The following PACSIN2 variants were observed in gnomAD, a reference collection of about 807,000 sequenced individuals.
The protein encoded by PACSIN2 is protein kinase C and casein kinase substrate in neurons 2.
Under a neutral mutation model 63.8 loss-of-function variants are expected in PACSIN2, and 25 were observed. The ratio of observed to expected loss-of-function variants is 0.39; its 90% CI spans 0.29 to 0.55. The LOEUF is 0.55. Among genes scored for constraint, PACSIN2 ranks in the 20% least tolerant of loss-of-function variants. The pLI is 0.62. For synonymous variants in PACSIN2, 255 were observed against 256.2 expected (o/e 1.00, Z 0.05); for missense variants, 518 against 646.9 (o/e 0.80, Z 2.16).
At chr22:42,937,253 G>C (rs889495366) in intron 1 of PACSIN2, among the ~76,000 whole-genome samples, 1 of 152,110 alleles carries the variant, frequency 6.6e-6, no homozygotes, top group Non-Finnish European at 1.5e-5. Flanking sequence ...GGTGACACCT[G>C]AGACAACATG....
At chr22:43,014,547 C>A (rs1314033781) in intron 1 of PACSIN2, among the ~76,000 whole-genome samples, 1 of 151,956 alleles carries the variant, frequency 6.6e-6, no homozygotes, top group Non-Finnish European at 1.5e-5. Flanking sequence ...TGCTCCGGCA[C>A]CCTCGCCTAA....
intron 1 of PACSIN2, among the ~76,000 whole-genome samples, chr22:42,973,462 C>T (rs1375401617): frequency 6.6e-6 from 1 of 152,212 alleles, no homozygotes; most frequent in African/African-American, 2.4e-5. Flanking sequence ...AAGCTTCCTC[C>T]TTTAACTTCT....
intron 1 of PACSIN2, among the ~76,000 whole-genome samples, chr22:43,004,244 G>C (rs182705580): frequency 3.3e-5 from 5 of 152,270 alleles, no homozygotes; most frequent in Admixed American, 3.3e-4. Context: ...ATCAAGTGGA[G>C]AGAACACTAT....
chr22:42,914,742 GC>G (rs1236002921), intron 1 of PACSIN2, among the ~76,000 whole-genome samples: 1 of 152,216 alleles, frequency 6.6e-6, no homozygotes, highest in Non-Finnish European at 1.5e-5. Flanking sequence ...GGAAGAGCAG[GC>G]CCCTGCTCCG....
chr22:42,989,904 A>G (rs1292500000), intron 1 of PACSIN2, among the ~76,000 whole-genome samples: 1 of 149,390 alleles, frequency 6.7e-6, no homozygotes, highest in Non-Finnish European at 1.5e-5. Flanking sequence ...ACACACATAT[A>G]TGTATATATA....
At chr22:42,881,638 C>T (rs899750871) in intron 7 of PACSIN2, among the ~76,000 whole-genome samples, 2 of 152,136 alleles carry the variant, frequency 1.3e-5, no homozygotes, top group Non-Finnish European at 2.9e-5. Flanking sequence ...CCTTGCATTT[C>T]GAATGTAAAG....
intron 1 of PACSIN2, among the ~76,000 whole-genome samples, chr22:43,012,677 A>T (rs2146934661): frequency 6.8e-6 from 1 of 147,934 alleles, no homozygotes; most frequent in East Asian, 2.0e-4. Context: ...TTGAAACAGG[A>T]GTTTTGCTCT....
chr22:42,978,992 A>G (rs1367583908), intron 1 of PACSIN2, among the ~76,000 whole-genome samples: 1 of 152,220 alleles, frequency 6.6e-6, no homozygotes, highest in Non-Finnish European at 1.5e-5. Context: ...TGGTGACCTC[A>G]GAACTCTGAC....
rs1929861215 is a variant in PACSIN2, at chr22:42,890,957, T to G, written c.443A>C (p.Lys148Thr). The change falls in exon 4 of 11, where the codon AAG (lysine) becomes ACG (threonine). Residue 148 changes from lysine to threonine, a missense_variant. Physicochemically the swap from Lys to Thr is moderately conservative, Grantham distance 78. This residue lies in a region of PACSIN2 where 507 missense variants were observed against 612.3 expected (regional missense o/e 0.83). Transcript: ENST00000263246. The stretch of plus-strand genomic sequence containing the variant: ...GCAGGACAGATGTACCTCTTTCAGC[T>G]TCTTGGCCCAGGGCTTCTGTGCCTT... ...FRKAQKPWAK[K>T]LKEVEAAKKA... 1.2e-6 allele frequency: 2 copies of G among 1,614,016 alleles called. No individual in the cohort carries two copies. The highest frequency in any genetic ancestry group is 3.3e-5 in the Admixed American group (2 of 60,026).
chr22:42,936,952 A>T (rs1368606554), intron 1 of PACSIN2, among the ~76,000 whole-genome samples: 3 of 152,110 alleles, frequency 2.0e-5, no homozygotes, highest in African/African-American at 4.8e-5. Flanking sequence ...TAAATTAGCA[A>T]ATACCTATTT....
chr22:42,911,627 T>C (rs545066419), intron 2 of PACSIN2, among the ~76,000 whole-genome samples: 1 of 152,170 alleles, frequency 6.6e-6, no homozygotes, highest in Non-Finnish European at 1.5e-5. Context: ...TGATGTCAAA[T>C]CACAGCCCTC....
At chr22:42,922,408 C>A (rs1280677713) in intron 1 of PACSIN2, among the ~76,000 whole-genome samples, 2 of 130,850 alleles carry the variant, frequency 1.5e-5, no homozygotes, top group African/African-American at 4.9e-5. Context: ...CAAGAACATT[C>A]TGAGTAAAAA....
intron 1 of PACSIN2, among the ~76,000 whole-genome samples, chr22:42,983,648 G>C (rs1922402944): frequency 1.3e-5 from 2 of 152,164 alleles, no homozygotes; most frequent in Admixed American, 1.3e-4. Context: ...GTTTTTAAGA[G>C]ATAGGGTCTT....
At chr22:42,908,417 C>T (rs1931231618) in intron 2 of PACSIN2, among the ~76,000 whole-genome samples, 1 of 152,204 alleles carries the variant, frequency 6.6e-6, no homozygotes, top group African/African-American at 2.4e-5. Context: ...ACGTGAAAAG[C>T]CCCAAGGCTC....
intron 1 of PACSIN2, among the ~76,000 whole-genome samples, chr22:42,959,387 A>G (rs1255349317): frequency 6.6e-6 from 1 of 152,250 alleles, no homozygotes; most frequent in Non-Finnish European, 1.5e-5. Flanking sequence ...CTACTCGGTA[A>G]GAAAAAAATA....
At chr22:42,939,447 A>C (rs903905772) in intron 1 of PACSIN2, among the ~76,000 whole-genome samples, 5 of 152,182 alleles carry the variant, frequency 3.3e-5, no homozygotes, top group Non-Finnish European at 7.4e-5. Context: ...CAAGAGTCTA[A>C]AGATTTGAAA....
At chr22:42,991,979 C>T (rs1923078293) in intron 1 of PACSIN2, among the ~76,000 whole-genome samples, 1 of 152,074 alleles carries the variant, frequency 6.6e-6, no homozygotes, top group Admixed American at 6.5e-5. Flanking sequence ...GTGACACCAA[C>T]CAAAAAAGCA....
At chr22:42,995,555 A>C (rs1355321501) in intron 1 of PACSIN2, among the ~76,000 whole-genome samples, 1 of 152,218 alleles carries the variant, frequency 6.6e-6, no homozygotes, top group East Asian at 1.9e-4. Context: ...TGGAAAAACC[A>C]GAGTGTGTAT....
At position 42,990,036 on chromosome 22, in the gene PACSIN2, G is replaced by GTA. The variant is rs3985928; in HGVS notation, c.-78+24983_-78+24984dup. On this transcript the variant is annotated intron_variant, in intron 1 of 10. Transcript: ENST00000263246. ...TATATACACACATATGTATATATAT[G>GTA]TATATATATATATATACACACACAT... Among the ~76,000 whole-genome samples the GTA allele has an allele frequency of 7.6e-3, 254 of 33,358 alleles. 1 individual carries two copies. Among genetic ancestry groups the GTA allele is most frequent in the East Asian group, 0.049 (17 of 348 alleles). The allele number at this position is 33,358 out of a possible 152,430, so 21.9% of individuals were successfully genotyped here. A position where few individuals can be genotyped will look rare whatever the true frequency, so the allele number is the denominator to read the frequency against.
Sources: allele counts gnomAD v4.1 joint callset (sites outside exome capture counted in the v4.1 genomes callset), GRCh38; gene constraint gnomAD v4.1.1; regional missense constraint gnomAD v4.1.1; transcripts MANE v1.5; gene names NCBI Gene and HGNC (gene_info 2026-07-23, HGNC 2026-07-21).